Variants in RAMP1 observed in about 807,000 individuals in gnomAD.
The protein encoded by RAMP1 is receptor activity-modifying protein 1.
In RAMP1, 7 loss-of-function variants were observed where a neutral mutation model predicts 8.2. That is an observed-to-expected ratio of 0.85 (90% CI 0.49 to 1.60). RAMP1 has a LOEUF of 1.60. Among genes scored for constraint, RAMP1 ranks in the 40% most tolerant of loss-of-function variants. The pLI is 0.00. For missense variants in RAMP1, 192 were observed against 202.4 expected (o/e 0.95, Z 0.31); for synonymous variants, 92 against 84.7 (o/e 1.09, Z -0.47).
chr2:237,861,701 AT>A (rs1008287807), intron 1 of RAMP1, among the ~76,000 whole-genome samples: 1 of 152,014 alleles, frequency 6.6e-6, no homozygotes, highest in African/African-American at 2.4e-5. Context: ...TACAAAAAAA[AT>A]TAGGCAGGCA....
chr2:237,904,189 G>T (rs546473385), intron 2 of RAMP1, among the ~76,000 whole-genome samples: 1 of 152,032 alleles, frequency 6.6e-6, no homozygotes, highest in African/African-American at 2.4e-5. Context: ...TGAGGCGGGC[G>T]GATCACGAGG....
At chr2:237,904,927 G>A (rs1350662454) in intron 2 of RAMP1, among the ~76,000 whole-genome samples, 4 of 152,116 alleles carry the variant, frequency 2.6e-5, no homozygotes, top group Non-Finnish European at 2.9e-5. Flanking sequence ...GGTAGCTGGG[G>A]GACAACTGCA....
intron 1 of RAMP1, among the ~76,000 whole-genome samples, chr2:237,866,226 C>G (rs967219894): frequency 6.6e-6 from 1 of 152,088 alleles, no homozygotes; most frequent in Non-Finnish European, 1.5e-5. Context: ...GAATCCGGTG[C>G]TCTGTGGCCA....
At chr2:237,891,072 G>A (rs2062482649) in intron 2 of RAMP1, among the ~76,000 whole-genome samples, 2 of 151,660 alleles carry the variant, frequency 1.3e-5, no homozygotes, top group Admixed American at 6.6e-5. Context: ...GACATTTAAG[G>A]CTGTGATGTG....
chr2:237,902,956 G>A (rs1462568893), intron 2 of RAMP1, among the ~76,000 whole-genome samples: 2 of 152,200 alleles, frequency 1.3e-5, no homozygotes, highest in Admixed American at 6.5e-5. Context: ...CCTCCCATGT[G>A]GACCATTTTA....
At chr2:237,881,624 A>T (rs1244306792) in intron 2 of RAMP1, among the ~76,000 whole-genome samples, 32 of 152,262 alleles carry the variant, frequency 2.1e-4, no homozygotes, top group Non-Finnish European at 7.3e-5. Flanking sequence ...ATAAGTGAGA[A>T]GTGATGTCTC....
intron 2 of RAMP1, among the ~76,000 whole-genome samples, chr2:237,895,299 C>G (rs1354910174): frequency 6.6e-6 from 1 of 152,110 alleles, no homozygotes; most frequent in East Asian, 1.9e-4. Context: ...TCATGGGCTC[C>G]CATCAGAGAA....
At chr2:237,901,083 G>A (rs1867934) in intron 2 of RAMP1, among the ~76,000 whole-genome samples, 127,374 of 152,294 alleles carry the variant, frequency 0.84, 53,455 homozygotes, top group East Asian at 0.95. Context: ...CGCAGTGCCA[G>A]CTGTCCTGGG....
chr2:237,893,706 A>G (rs1298160854), intron 2 of RAMP1, among the ~76,000 whole-genome samples: 1 of 152,178 alleles, frequency 6.6e-6, no homozygotes, highest in African/African-American at 2.4e-5. Context: ...TGGGAGGCCA[A>G]GGCAGGTGGA....
intron 1 of RAMP1, among the ~76,000 whole-genome samples, chr2:237,867,394 C>G (rs948638332): frequency 1.3e-5 from 2 of 149,648 alleles, no homozygotes; most frequent in African/African-American, 2.5e-5. Context: ...GTAGGTGATC[C>G]ACACAGTTCA....
At chr2:237,869,217 A>G (rs904882356) in intron 1 of RAMP1, among the ~76,000 whole-genome samples, 3 of 152,190 alleles carry the variant, frequency 2.0e-5, no homozygotes, top group Non-Finnish European at 4.4e-5. Flanking sequence ...TGCCAGTCAC[A>G]GCTGCATGGT....
chr2:237,873,400 G>T (rs1031742955), intron 1 of RAMP1, among the ~76,000 whole-genome samples: 2 of 152,198 alleles, frequency 1.3e-5, no homozygotes, highest in African/African-American at 4.8e-5. Flanking sequence ...GTGTCCAGGG[G>T]TCCCCTGTGG....
chr2:237,863,132 G>A (rs999401585), intron 1 of RAMP1, among the ~76,000 whole-genome samples: 28 of 152,138 alleles, frequency 1.8e-4, no homozygotes, highest in African/African-American at 6.0e-4. Context: ...CCTCCACTGG[G>A]GACCCAGGGA....
intron 1 of RAMP1, among the ~76,000 whole-genome samples, chr2:237,869,665 A>G (rs1379123159): frequency 6.6e-6 from 1 of 152,184 alleles, no homozygotes; most frequent in Non-Finnish European, 1.5e-5. Flanking sequence ...CCATTCATCC[A>G]TGGACACGTG....
chr2:237,870,375 G>A (rs575679306), intron 1 of RAMP1, among the ~76,000 whole-genome samples: 5 of 152,378 alleles, frequency 3.3e-5, no homozygotes, highest in South Asian at 2.1e-4. Flanking sequence ...CCAGGCCTCC[G>A]TGGGGGCGGT....
chr2:237,888,908 A>G (rs2062462351), intron 2 of RAMP1, among the ~76,000 whole-genome samples: 1 of 152,006 alleles, frequency 6.6e-6, no homozygotes, highest in African/African-American at 2.4e-5. Flanking sequence ...AGTAGCTGGA[A>G]CTACAGGCAC....
At chr2:237,882,351 G>A (rs776218487) in intron 2 of RAMP1, among the ~76,000 whole-genome samples, 6 of 152,208 alleles carry the variant, frequency 3.9e-5, no homozygotes, top group Admixed American at 2.0e-4. Context: ...TCCAAGAAAC[G>A]CGTTTACTGT....
chr2:237,892,783 A>T (rs2062499816), intron 2 of RAMP1, among the ~76,000 whole-genome samples: 1 of 136,868 alleles, frequency 7.3e-6, no homozygotes. Context: ...TCCCTCCCCC[A>T]CTTCTTCCTT....
intron 1 of RAMP1, among the ~76,000 whole-genome samples, chr2:237,875,052 G>A (rs888026350): frequency 7.2e-5 from 11 of 152,170 alleles, no homozygotes; most frequent in Non-Finnish European, 1.6e-4. Context: ...TCCAATTGCA[G>A]CTGGACAGGC....
Sources: gnomAD v4.1 joint callset for allele counts (sites outside exome capture counted in the v4.1 genomes callset) on GRCh38, gnomAD v4.1.1 for gene constraint, MANE v1.5 for transcripts, NCBI Gene and HGNC (gene_info 2026-07-23, HGNC 2026-07-21) for gene names.